Variants in UGGT2 observed in about 807,000 individuals in gnomAD.
UGGT2 encodes the protein UDP-glucose glycoprotein glucosyltransferase 2, also known as UDP-glucose:glycoprotein glucosyltransferase 2.
UGGT2 carries 180 observed loss-of-function variants against 192.1 expected under a neutral mutation model. The observed-to-expected ratio is 0.94, with a 90% CI of 0.83 to 1.06. The LOEUF is 1.06. UGGT2 is among the 50% of genes least tolerant of loss of function. The pLI is 0.00. For synonymous variants in UGGT2, 580 were observed against 591.0 expected, an observed-to-expected ratio of 0.98 and a Z score of 0.27; for missense variants, 1,849 against 1,795.7, an observed-to-expected ratio of 1.03 and a Z score of -0.54.
At chr13:96,020,222 G>T (rs2052474378) in intron 4 of UGGT2, among the ~76,000 whole-genome samples, 1 of 152,146 alleles carries the variant, frequency 6.6e-6, no homozygotes, top group Admixed American at 6.5e-5. Context: ...GAGTCACAAG[G>T]CCTCCATGGG....
At chr13:95,927,442 T>A (rs1035132393) in intron 17 of UGGT2, 106 bp from the exon 18 acceptor site, 33 of 929,146 alleles carry the variant, frequency 3.6e-5, no homozygotes, top group Non-Finnish European at 5.1e-5. Flanking sequence ...AAATAAGCAA[T>A]TTAGAATTAT....
At position 95,859,678 on chromosome 13, in the gene UGGT2, G is replaced by A; in HGVS notation, c.3741-3C>T. On this transcript the variant is annotated splice_polypyrimidine_tract_variant and splice_region_variant and intron_variant, in intron 32 of 38. Coordinates refer to ENST00000376747, the MANE Select transcript of UGGT2 (RefSeq NM_020121.4). ...GCAAAACAGAAAGCATCATAATTCTGTATAAAAGAATATTAAACCCAATAT... is the reference window on the plus strand; with the variant it reads ...GCAAAACAGAAAGCATCATAATTCTATATAAAAGAATATTAAACCCAATAT... 1 of 1,600,152 alleles carries A rather than the reference G, an allele frequency of 6.2e-7. No individual in the cohort carries two copies. Among genetic ancestry groups the A allele is most frequent in the Non-Finnish European group, 8.5e-7 (1 of 1,172,596 alleles).
intron 15 of UGGT2, among the ~76,000 whole-genome samples, chr13:95,942,243 TGTG>T (rs2049715434): frequency 1.3e-4 from 19 of 150,510 alleles, no homozygotes; most frequent in African/African-American, 4.4e-4. Flanking sequence ...TGTGTGTGTG[TGTG>T]TGTGTGTGTG....
At chr13:95,816,093 T>G (rs1451972938) in intron 38 of UGGT2, among the ~76,000 whole-genome samples, 1 of 152,214 alleles carries the variant, frequency 6.6e-6, no homozygotes, top group East Asian at 1.9e-4. Flanking sequence ...GCTGCCATGC[T>G]TCTTGTAGAG....
chr13:95,824,812 G>GACC (rs1215747101), intron 38 of UGGT2, among the ~76,000 whole-genome samples: 10 of 152,290 alleles, frequency 6.6e-5, no homozygotes, highest in African/African-American at 2.2e-4. Flanking sequence ...CTGCTGGAGA[G>GACC]ACCGTGTGAT....
chr13:95,895,414 G>A, intron 22 of UGGT2, 110 bp from the exon 23 acceptor site: 1 of 667,674 alleles, frequency 1.5e-6, no homozygotes, highest in Non-Finnish European at 2.2e-6. Context: ...ATGAATTAGA[G>A]ATTAAAGATA....
intron 7 of UGGT2, chr13:95,991,448 G>GT (rs1314619915): frequency 2.2e-5 from 10 of 453,796 alleles, no homozygotes; most frequent in Non-Finnish European, 4.4e-5. Flanking sequence ...TTGAAAACAC[G>GT]TATTTTCAAT....
chr13:96,048,049 C>T (rs1451420858), intron 1 of UGGT2, among the ~76,000 whole-genome samples: 1 of 152,218 alleles, frequency 6.6e-6, no homozygotes, highest in Admixed American at 6.5e-5. Flanking sequence ...CTCAGCACCA[C>T]ACCGCACTTA....
chr13:95,849,137 G>A (rs1270531967), intron 36 of UGGT2, among the ~76,000 whole-genome samples: 2 of 151,768 alleles, frequency 1.3e-5, no homozygotes, highest in Non-Finnish European at 2.9e-5. Flanking sequence ...ATCTACATCA[G>A]GCAATGTGCA....
At chr13:95,814,623 A>T (rs1884731866) in intron 38 of UGGT2, among the ~76,000 whole-genome samples, 1 of 152,214 alleles carries the variant, frequency 6.6e-6, no homozygotes, top group East Asian at 1.9e-4. Flanking sequence ...TATAAAATAC[A>T]ATCATGCCTT....
chr13:96,041,113 C>G (rs1200393663), intron 1 of UGGT2, among the ~76,000 whole-genome samples: 1 of 152,126 alleles, frequency 6.6e-6, no homozygotes, highest in African/African-American at 2.4e-5. Flanking sequence ...ACCCACAGAC[C>G]CTCTGAAGGA....
At chr13:95,867,202 C>T in intron 30 of UGGT2, 137 bp downstream of exon 30, 1 of 726,178 alleles carries the variant, frequency 1.4e-6, no homozygotes, top group Non-Finnish European at 2.2e-6. Flanking sequence ...TCTTTTTTTA[C>T]TGCTGGAGTT....
chr13:95,828,657 G>A (rs1886309424), intron 38 of UGGT2, among the ~76,000 whole-genome samples: 1 of 152,114 alleles, frequency 6.6e-6, no homozygotes, highest in African/African-American at 2.4e-5. Flanking sequence ...AACAGACTCT[G>A]AAATTGAGGC....
intron 38 of UGGT2, among the ~76,000 whole-genome samples, chr13:95,817,171 A>G (rs972227144): frequency 6.6e-6 from 1 of 152,234 alleles, no homozygotes. Context: ...GGTGAATCTT[A>G]TACCTCAGTA....
intron 35 of UGGT2, among the ~76,000 whole-genome samples, 175 bp downstream of exon 35, chr13:95,854,140 T>G (rs910692404): frequency 3.3e-5 from 5 of 152,198 alleles, no homozygotes; most frequent in Non-Finnish European, 7.4e-5. Flanking sequence ...ATAAAGATTT[T>G]ATGACTTAAT....
At chr13:95,898,119 T>C (rs2047999258) in intron 22 of UGGT2, among the ~76,000 whole-genome samples, 1 of 152,224 alleles carries the variant, frequency 6.6e-6, no homozygotes, top group East Asian at 1.9e-4. Context: ...ACTAGAACCA[T>C]TCTGGTCCAA....
At chr13:95,954,447 C>A (rs1401034704) in intron 12 of UGGT2, among the ~76,000 whole-genome samples, 1 of 152,168 alleles carries the variant, frequency 6.6e-6, no homozygotes, top group Admixed American at 6.5e-5. Flanking sequence ...TAAAGCAGAT[C>A]TTAAGACTGA....
intron 36 of UGGT2, among the ~76,000 whole-genome samples, chr13:95,841,018 G>A (rs1887800824): frequency 6.6e-6 from 1 of 152,116 alleles, no homozygotes; most frequent in East Asian, 1.9e-4. Flanking sequence ...CATGGACACA[G>A]GGAGGGGAAC....
At chr13:96,039,928 A>G (rs1219739611) in intron 1 of UGGT2, among the ~76,000 whole-genome samples, 2 of 152,228 alleles carry the variant, frequency 1.3e-5, no homozygotes, top group African/African-American at 2.4e-5. Context: ...TCAGGATGAT[A>G]TAAGTATTCT....
Sources: gnomAD v4.1 joint callset for allele counts (sites outside exome capture counted in the v4.1 genomes callset) on GRCh38, gnomAD v4.1.1 for gene constraint, MANE v1.5 for transcripts, NCBI Gene and HGNC (gene_info 2026-07-23, HGNC 2026-07-21) for gene names.